Variants in HCN2 observed in about 807,000 individuals in gnomAD.
HCN2 encodes potassium/sodium hyperpolarization-activated cyclic nucleotide-gated channel 2.
A neutral mutation model predicts 52.3 loss-of-function variants in HCN2; 20 were observed. The observed-to-expected ratio is 0.38, with a 90% CI of 0.27 to 0.56. HCN2 has a LOEUF of 0.56. Ranked by LOEUF, HCN2 falls within the 20% of genes least tolerant of loss-of-function variation. The pLI is 0.71. For missense variants in HCN2, 981 were observed against 1,207.7 expected, an observed-to-expected ratio of 0.81 and a Z score of 2.78; for synonymous variants, 694 against 537.0, an observed-to-expected ratio of 1.29 and a Z score of -4.04.
rs1555732151 is a variant in HCN2, at chr19:613,720, G to GCCGGGGCCGGCACCGGCACCGGCA, written c.1826-128_1826-127insGGCCGGCACCGGCACCGGCACCGG. The GCCGGGGCCGGCACCGGCACCGGCA allele has an allele frequency of 6.4e-4, 292 of 459,646 alleles. 21 individuals are homozygous for GCCGGGGCCGGCACCGGCACCGGCA. In the African/African-American group the frequency reaches 0.012, roughly 19 times the overall value. 28.5% of individuals were successfully genotyped at this position (459,646 alleles called of 1,614,324 possible). A position where few individuals can be genotyped will look rare whatever the true frequency, so the allele number is the denominator to read the frequency against. ...GGATGGGGCCGGGGATGGGGCCGGG[G>GCCGGGGCCGGCACCGGCACCGGCA]CCGGCACCAGGGAGAGCCTGGGTGG... On this transcript the variant is annotated intron_variant, in intron 6 of 7. Coordinates refer to ENST00000251287, the MANE Select transcript of HCN2 (RefSeq NM_001194.4).
chr19:607,996 A>G lies in HCN2; in HGVS notation c.1251A>G (p.Ala417=). ...NHSWSELYSF[A]LFKAMSHMLC... ...CGTGGAGTGAACTGTACTCCTTCGC[A>G]CTCTTCAAGGCCATGAGCCACATGC... is the stretch of plus-strand genomic sequence containing the variant. The change falls in exon 4 of 8, where the codon GCA becomes GCG. Residue 417 remains alanine, a synonymous_variant. Transcript: ENST00000251287. 6.2e-7 allele frequency: 1 copy of G among 1,612,362 alleles called. No individual in the cohort carries two copies. The highest frequency in any genetic ancestry group is 8.5e-7 in the Non-Finnish European group (1 of 1,179,930).
intron 5 of HCN2, among the ~76,000 whole-genome samples, chr19:612,425 T>TGG (rs1169120336): frequency 9.1e-6 from 1 of 109,422 alleles, no homozygotes; most frequent in Non-Finnish European, 2.2e-5. Flanking sequence ...TGTGTGTGTG[T>TGG]GTGAGAGAGA....
rs569618733 is a variant in HCN2, at chr19:611,596, G to C, written c.1584+1191G>C. ...TTCGCTTCGCCAAGAATGTTTAATT[G>C]CATTTGATGACTACGGTTTCCATTC... On this transcript the variant is annotated intron_variant, in intron 5 of 7. Transcript: ENST00000251287. 3.7e-4 allele frequency among the ~76,000 whole-genome samples: 56 copies of C among 152,352 alleles called. 1 individual carries two copies. Among genetic ancestry groups the C allele is most frequent in the Admixed American group, 2.7e-3 (41 of 15,310 alleles).
At chr19:602,020 C>T (rs953775222) in intron 1 of HCN2, among the ~76,000 whole-genome samples, 2 of 151,494 alleles carry the variant, frequency 1.3e-5, no homozygotes, top group Non-Finnish European at 2.9e-5. Context: ...CCGTTCCTCC[C>T]ACCCTCTCGG....
At chr19:601,656 G>C (rs573264309) in intron 1 of HCN2, among the ~76,000 whole-genome samples, 24 of 152,300 alleles carry the variant, frequency 1.6e-4, no homozygotes, top group African/African-American at 5.5e-4. Flanking sequence ...TCTCGGGGCA[G>C]GGAGAGGCTG....
intron 7 of HCN2, among the ~76,000 whole-genome samples, 164 bp from the exon 8 acceptor site, chr19:615,631 C>T (rs1221706110): frequency 6.6e-6 from 1 of 152,200 alleles, no homozygotes; most frequent in African/African-American, 2.4e-5. Flanking sequence ...TACTATAGGC[C>T]AGAGATGCTA....
In HCN2 at chr19:614,022, C is replaced by T. The variant is rs1264405890; in HGVS notation, c.1990+6C>T. 15 of 1,299,564 alleles carry T rather than the reference C, an allele frequency of 1.2e-5. No homozygotes were observed. The highest frequency in any genetic ancestry group is 3.1e-4 in the Middle Eastern group (1 of 3,194). 80.5% of individuals were successfully genotyped at this position (1,299,564 alleles called of 1,614,324 possible). On this transcript the variant is annotated splice_donor_region_variant and intron_variant, in intron 7 of 7. Transcript: ENST00000251287. ...CGACCGCCTGGACCGCATCGGTGAG[C>T]GGGCCGGGGGCGTGGCCGGGGCGGG...
At chr19:594,051 C>T (rs1330563495) in intron 1 of HCN2, among the ~76,000 whole-genome samples, 1 of 151,906 alleles carries the variant, frequency 6.6e-6, no homozygotes, top group African/African-American at 2.4e-5. Context: ...AGGGTGTCTC[C>T]GCAGGAGAGG....
At chr19:602,637 A>T (rs960081633) in intron 1 of HCN2, among the ~76,000 whole-genome samples, 3 of 152,042 alleles carry the variant, frequency 2.0e-5, no homozygotes, top group African/African-American at 7.2e-5. Context: ...GCTGCTTCCC[A>T]GTGCCCCTCT....
At chr19:607,493 C>G (rs1043810184) in intron 3 of HCN2, among the ~76,000 whole-genome samples, 1 of 152,244 alleles carries the variant, frequency 6.6e-6, no homozygotes, top group African/African-American at 2.4e-5. Context: ...GGCTGCCACC[C>G]GCACATGCGG....
chr19:602,980 A>AC (rs1331142157), intron 1 of HCN2, among the ~76,000 whole-genome samples: 1 of 50,972 alleles, frequency 2.0e-5, no homozygotes, highest in Non-Finnish European at 3.6e-5. Context: ...AGCTGTGGGC[A>AC]CCCTCGTCCC....
At chr19:604,937 T>C in intron 2 of HCN2, 124 bp from the exon 3 acceptor site, 1 of 934,824 alleles carries the variant, frequency 1.1e-6, no homozygotes, top group Non-Finnish European at 1.5e-6. Flanking sequence ...GGGGGTCCTG[T>C]GCGGGGCCTT....
intron 7 of HCN2, 46 bp from the exon 8 acceptor site, chr19:615,749 G>A (rs374313047): frequency 3.2e-5 from 51 of 1,584,540 alleles, no homozygotes; most frequent in African/African-American, 2.0e-4. Flanking sequence ...CCCGCTGTAC[G>A]CAGCAGGCGC....
chr19:599,284 G>A (rs909850170), intron 1 of HCN2, among the ~76,000 whole-genome samples: 1 of 152,184 alleles, frequency 6.6e-6, no homozygotes, highest in African/African-American at 2.4e-5. Context: ...CTTTTCCCTC[G>A]AGGAGCCGTC....
At chr19:596,451 C>T (rs1009075192) in intron 1 of HCN2, among the ~76,000 whole-genome samples, 5 of 152,228 alleles carry the variant, frequency 3.3e-5, no homozygotes, top group African/African-American at 4.8e-5. Context: ...TCCCGGCCTC[C>T]GGAGCTGGTC....
intron 1 of HCN2, among the ~76,000 whole-genome samples, chr19:602,963 CGGCCTG>C (rs1568363649): frequency 6.7e-3 from 607 of 90,176 alleles, no homozygotes; most frequent in Admixed American, 0.011. Context: ...GGGAAGGCAC[CGGCCTG>C]AGCTGTGGGC....
At chr19:599,532 C>G (rs1241597355) in intron 1 of HCN2, among the ~76,000 whole-genome samples, 1 of 151,960 alleles carries the variant, frequency 6.6e-6, no homozygotes, top group Non-Finnish European at 1.5e-5. Flanking sequence ...GTAATCCCAG[C>G]ACTTTAGGAG....
intron 5 of HCN2, among the ~76,000 whole-genome samples, chr19:610,695 G>A (rs558373102): frequency 1.0e-3 from 157 of 152,314 alleles, no homozygotes; most frequent in African/African-American, 3.4e-3. Flanking sequence ...GGGAGGAGCC[G>A]CAGAGGCCCC....
rs548196250 is a variant in HCN2 at position 610,174 on chromosome 19, C to T, written c.1438-85C>T. 5.5e-3 allele frequency: 8,271 copies of T among 1,496,420 alleles called. 209 individuals are homozygous for T. The highest frequency in any genetic ancestry group is 3.5e-3 in the Non-Finnish European group (3,854 of 1,097,282). 92.7% of individuals were successfully genotyped at this position (1,496,420 alleles called of 1,614,324 possible). A position where few individuals can be genotyped will look rare whatever the true frequency, so the allele number is the denominator to read the frequency against. ...CTGGGGGCGGTGTCTGACCCAGCCT[C>T]GCCTCCCCACAGTACAAGCAGGTGC... On this transcript the variant is annotated intron_variant, in intron 4 of 7. Transcript: ENST00000251287.
Sources: gnomAD v4.1 joint callset for allele counts (sites outside exome capture counted in the v4.1 genomes callset) on GRCh38, gnomAD v4.1.1 for gene constraint, MANE v1.5 for transcripts, NCBI Gene and HGNC (gene_info 2026-07-23, HGNC 2026-07-21) for gene names.